The following LRRK1 variants were observed in gnomAD, a reference collection of about 807,000 sequenced individuals.
LRRK1 encodes the protein leucine-rich repeat serine/threonine-protein kinase 1.
Under a neutral mutation model 209.1 loss-of-function variants are expected in LRRK1, and 113 were observed. The observed-to-expected ratio is 0.54, with a 90% CI of 0.46 to 0.63. LRRK1 has a LOEUF of 0.63. LRRK1 is among the 30% of genes least tolerant of loss of function. The pLI, the probability that LRRK1 is intolerant of heterozygous loss-of-function variation, is 0.00. For missense variants in LRRK1, 2,284 were observed against 2,632.2 expected, an observed-to-expected ratio of 0.87 and a Z score of 2.89; for synonymous variants, 1,144 against 1,099.7, an observed-to-expected ratio of 1.04 and a Z score of -0.80.
chr15:100,973,831 C>G lies in LRRK1; in HGVS notation c.125C>G (p.Ser42Cys). The change falls in exon 3 of 34, where the codon TCC becomes TGC. Residue 42 changes from serine to cysteine, a missense_variant. By Grantham distance (112) the Ser-to-Cys change is moderately radical. This residue lies in a region of LRRK1 where 174 missense variants were observed against 133.5 expected (regional missense o/e 1.30). Transcript: ENST00000388948. The stretch of plus-strand genomic sequence containing the variant: ...GCCGGGGACACGGGCGGCAAGCCGT[C>G]CACGCGGGGCGGTGACCCTGCAGCG... Reference protein sequence around the residue: ...NGAGDTGGKPSTRGGDPAARS... With the variant: ...NGAGDTGGKPCTRGGDPAARS... The G allele has an allele frequency of 7.7e-7, 1 of 1,293,464 alleles. No individual in the cohort carries two copies. The highest frequency in any genetic ancestry group is 9.8e-7 in the Non-Finnish European group (1 of 1,017,170). 80.1% of individuals were successfully genotyped at this position (1,293,464 alleles called of 1,614,324 possible).
intron 4 of LRRK1, among the ~76,000 whole-genome samples, chr15:100,986,050 AT>A (rs1173681300): frequency 2.7e-5 from 4 of 149,292 alleles, no homozygotes; most frequent in African/African-American, 7.5e-5. Flanking sequence ...AAAAAAAAAA[AT>A]TTAAATTAAC....
At chr15:101,011,007 G>A (rs2033210622) in intron 9 of LRRK1, among the ~76,000 whole-genome samples, 170 bp downstream of exon 9, 1 of 152,148 alleles carries the variant, frequency 6.6e-6, no homozygotes, top group African/African-American at 2.4e-5. Flanking sequence ...GCGAGGCTGT[G>A]TCCCAGGCAG....
At chr15:100,982,522 G>A (rs1009134048) in intron 3 of LRRK1, among the ~76,000 whole-genome samples, 3 of 152,106 alleles carry the variant, frequency 2.0e-5, no homozygotes, top group African/African-American at 7.2e-5. Flanking sequence ...CTCCTCCTGG[G>A]ACCTTTACAT....
intron 6 of LRRK1, among the ~76,000 whole-genome samples, chr15:101,008,496 CT>C (rs959106555): frequency 5.9e-5 from 9 of 152,170 alleles, no homozygotes; most frequent in African/African-American, 2.2e-4. Flanking sequence ...GCGGTCTCCT[CT>C]GTACGTGGAC....
intron 2 of LRRK1, among the ~76,000 whole-genome samples, chr15:100,948,108 A>G (rs2042577419): frequency 1.3e-5 from 2 of 152,248 alleles, no homozygotes; most frequent in Non-Finnish European, 2.9e-5. Flanking sequence ...TCTGTCATCA[A>G]TCTTAAACCT....
In LRRK1 at chr15:101,052,910, C is replaced by A. The variant is rs368813651; in HGVS notation, c.3690-12C>A. Reference sequence around the variant, plus strand: ...CGGGGGGGATGTGGCTGATGCCGGGCGTGTGTGGCAGGCTCTTCCTGGAGA... The same window carrying A: ...CGGGGGGGATGTGGCTGATGCCGGGAGTGTGTGGCAGGCTCTTCCTGGAGA... On this transcript the variant is annotated splice_polypyrimidine_tract_variant and intron_variant, in intron 24 of 33. Coordinates refer to ENST00000388948, the MANE Select transcript of LRRK1 (RefSeq NM_024652.6). 1 of 1,600,168 alleles carries A rather than the reference C, an allele frequency of 6.2e-7. No individual in the cohort carries two copies. Among genetic ancestry groups the A allele is most frequent in the South Asian group, 1.1e-5 (1 of 90,780 alleles).
At chr15:100,949,710 G>A (rs1462593182) in intron 2 of LRRK1, among the ~76,000 whole-genome samples, 1 of 152,054 alleles carries the variant, frequency 6.6e-6, no homozygotes, top group African/African-American at 2.4e-5. Context: ...TCCAAGCTTG[G>A]TTTAACATCA....
Position 100,947,562 on chromosome 15 carries a change from G to T in LRRK1, c.97+22833G>T, listed in dbSNP as rs180753148. Among the ~76,000 whole-genome samples, 18 of 152,282 alleles carry T rather than the reference G, an allele frequency of 1.2e-4. 1 individual carries two copies. The highest frequency in any genetic ancestry group is 1.0e-3 in the Admixed American group (16 of 15,300). ...TATCTTGAAAAGAACTTATTGAGCA[G>T]AAATTGGCAATATTTATTAAAATTA... On this transcript the variant is annotated intron_variant, in intron 2 of 33. Transcript: ENST00000388948.
chr15:100,936,151 T>G (rs898630557), intron 2 of LRRK1, among the ~76,000 whole-genome samples: 1 of 152,226 alleles, frequency 6.6e-6, no homozygotes, highest in Non-Finnish European at 1.5e-5. Flanking sequence ...GGATCAAAGA[T>G]GTACCCATCA....
Position 100,973,979 on chromosome 15 carries a change from C to CT in LRRK1, c.261+12_261+13insT. The CT allele has an allele frequency of 1.7e-5, 21 of 1,246,046 alleles. No homozygotes were observed. The highest frequency in any genetic ancestry group is 2.1e-5 in the Non-Finnish European group (21 of 989,628). 77.2% of individuals were successfully genotyped at this position (1,246,046 alleles called of 1,614,324 possible). On this transcript the variant is annotated intron_variant, in intron 3 of 33. Transcript: ENST00000388948. ...CCCAGCTGGAAAAGGTAGGGGAGCG[C>CT]CTGCCCCTGCGGCCACCCATGCAGC...
intron 6 of LRRK1, among the ~76,000 whole-genome samples, chr15:100,992,144 T>C (rs1306026261): frequency 6.6e-6 from 1 of 152,178 alleles, no homozygotes; most frequent in Non-Finnish European, 1.5e-5. Flanking sequence ...TTTTTAATGT[T>C]TCTATGTGGT....
At chr15:100,996,492 C>T (rs1452201380) in intron 6 of LRRK1, among the ~76,000 whole-genome samples, 2 of 152,208 alleles carry the variant, frequency 1.3e-5, no homozygotes, top group Non-Finnish European at 2.9e-5. Context: ...CAGCATCCTT[C>T]CACCAGTTCC....
intron 8 of LRRK1, 34 bp from the exon 9 acceptor site, chr15:101,010,639 CA>C (rs2033185958): frequency 6.4e-7 from 1 of 1,574,438 alleles, no homozygotes. Context: ...ATATTTTTAC[CA>C]ATTCATACTT....
intron 10 of LRRK1, among the ~76,000 whole-genome samples, chr15:101,012,698 C>A (rs537687726): frequency 6.6e-6 from 1 of 152,294 alleles, no homozygotes; most frequent in East Asian, 1.9e-4. Flanking sequence ...ACTGCCAGGA[C>A]CCCCACGGGC....
intron 12 of LRRK1, among the ~76,000 whole-genome samples, chr15:101,020,369 C>CTTTTTTTTTTTTTTTTTTT (rs1258764876): frequency 1.0e-5 from 1 of 98,462 alleles, no homozygotes; most frequent in African/African-American, 4.5e-5. Flanking sequence ...CGGTTCTGAA[C>CTTTTTTTTTTTTTTTTTTT]TTTTTTTTTT....
intron 16 of LRRK1, 101 bp from the exon 17 acceptor site, chr15:101,025,864 C>T (rs779850610): frequency 6.4e-5 from 81 of 1,262,884 alleles, no homozygotes; most frequent in Non-Finnish European, 7.7e-5. Context: ...GAGCAAGGGC[C>T]GTGGCATCCA....
rs373783848 is a variant in LRRK1, at chr15:101,012,512, G to A, written c.1419+367G>A. ...TACCTTCTCGCTTTAGGTTGTTTTA[G>A]GTGGTTGGCGGGTCCTTAGGCAGAC... On this transcript the variant is annotated intron_variant, in intron 10 of 33. Transcript: ENST00000388948. Among the ~76,000 whole-genome samples the A allele has an allele frequency of 2.5e-4, 38 of 152,328 alleles. 2 individuals are homozygous for A. The highest frequency in any genetic ancestry group is 1.6e-3 in the Admixed American group (25 of 15,306).
chr15:100,961,406 G>A (rs2029933317), intron 2 of LRRK1, among the ~76,000 whole-genome samples: 1 of 152,166 alleles, frequency 6.6e-6, no homozygotes, highest in Non-Finnish European at 1.5e-5. Context: ...TGTAATCCCA[G>A]CACTTTGGGA....
intron 2 of LRRK1, among the ~76,000 whole-genome samples, chr15:100,927,161 A>G (rs2042130668): frequency 6.6e-6 from 1 of 152,316 alleles, no homozygotes; most frequent in South Asian, 2.1e-4. Context: ...TGGGGCACAG[A>G]CAGCCTGCGT....
Sources: allele counts gnomAD v4.1 joint callset (sites outside exome capture counted in the v4.1 genomes callset), GRCh38; gene constraint gnomAD v4.1.1; regional missense constraint gnomAD v4.1.1; transcripts MANE v1.5; gene names NCBI Gene and HGNC (gene_info 2026-07-23, HGNC 2026-07-21).